The following COL28A1 variants were observed in gnomAD, a reference collection of about 807,000 sequenced individuals.
The protein encoded by COL28A1 is collagen type XXVIII alpha 1 chain, also known as collagen alpha-1(XXVIII) chain.
COL28A1 carries 161 observed loss-of-function variants against 150.2 expected under a neutral mutation model. The observed-to-expected ratio is 1.07, with a 90% CI of 0.94 to 1.22. The LOEUF is 1.22. COL28A1 is among the 50% of genes most tolerant of loss of function. The probability of loss-of-function intolerance (pLI) is 0.00; values close to 1 mark genes in which losing one functional copy is unlikely to be tolerated. For missense variants in COL28A1, 1,617 were observed against 1,388.3 expected, an observed-to-expected ratio of 1.16 and a Z score of -2.62; for synonymous variants, 552 against 469.7, an observed-to-expected ratio of 1.18 and a Z score of -2.26.
intron 19 of COL28A1, among the ~76,000 whole-genome samples, chr7:7,443,997 T>TG (rs1172256387): frequency 6.6e-6 from 1 of 151,208 alleles, no homozygotes; most frequent in African/African-American, 2.4e-5. Context: ...TTTTTTTTTT[T>TG]TTTTTTTTTT....
At chr7:7,403,246 T>G (rs1176994051) in intron 27 of COL28A1, among the ~76,000 whole-genome samples, 2 of 152,116 alleles carry the variant, frequency 1.3e-5, no homozygotes, top group African/African-American at 4.8e-5. Context: ...AACACAGCTT[T>G]CACGGGGAAG....
chr7:7,412,517 C>T (rs1783847823), intron 27 of COL28A1, among the ~76,000 whole-genome samples: 2 of 152,048 alleles, frequency 1.3e-5, no homozygotes, highest in Admixed American at 6.5e-5. Flanking sequence ...ACAAGAGGGA[C>T]TAGCGAAAGG....
In COL28A1 at chr7:7,519,007, A is replaced by C. The variant is rs548819570; in HGVS notation, c.813+1055T>G. On this transcript the variant is annotated intron_variant, in intron 6 of 34. Coordinates refer to ENST00000399429, the MANE Select transcript of COL28A1 (RefSeq NM_001037763.3). ...CCAATGTCCATTACATTTGATGCAA[A>C]TATTTCCTGATATTTCTATTTCTTT... is the stretch of plus-strand genomic sequence containing the variant. 5.3e-5 allele frequency among the ~76,000 whole-genome samples: 8 copies of C among 152,284 alleles called. No individual in the cohort carries two copies. In the South Asian group the frequency reaches 1.7e-3, roughly 32 times the overall value.
intron 27 of COL28A1, among the ~76,000 whole-genome samples, chr7:7,382,727 C>A (rs1202041477): frequency 6.6e-6 from 1 of 152,068 alleles, no homozygotes; most frequent in Non-Finnish European, 1.5e-5. Context: ...CCTGATCATC[C>A]CCACCAAGAT....
At chr7:7,345,241 T>G in the COL28A1 span, among the ~76,000 whole-genome samples, 3 of 151,998 alleles carry the variant, frequency 2.0e-5, no homozygotes, top group Non-Finnish European at 4.4e-5. Flanking sequence ...TTGTTTGTAT[T>G]GAGAGAAAAA....
At chr7:7,532,298 T>G (rs2108065) in intron 2 of COL28A1, among the ~76,000 whole-genome samples, 19,085 of 151,704 alleles carry the variant, frequency 0.13, 1,260 homozygotes, top group Middle Eastern at 0.23. Context: ...GAGTCCCTAT[T>G]TTTTTTTAAA....
chr7:7,534,075 G>T (rs1418808023), intron 1 of COL28A1, among the ~76,000 whole-genome samples: 1 of 152,132 alleles, frequency 6.6e-6, no homozygotes, highest in Non-Finnish European at 1.5e-5. Flanking sequence ...TTTCATACAT[G>T]CCAGATGGAT....
chr7:7,391,879 C>T (rs1280902467), intron 27 of COL28A1, among the ~76,000 whole-genome samples: 1 of 149,018 alleles, frequency 6.7e-6, no homozygotes, highest in Non-Finnish European at 1.5e-5. Flanking sequence ...TATGTGTGTC[C>T]TTGCACATGA....
intron 13 of COL28A1, among the ~76,000 whole-genome samples, chr7:7,486,622 T>C (rs541356469): frequency 6.6e-6 from 1 of 152,294 alleles, no homozygotes; most frequent in Non-Finnish European, 1.5e-5. Flanking sequence ...TTTCTGAGAG[T>C]TTCTATGAGA....
At chr7:7,361,217 C>G (rs1374869796) in intron 33 of COL28A1, among the ~76,000 whole-genome samples, 1 of 152,080 alleles carries the variant, frequency 6.6e-6, no homozygotes, top group Admixed American at 6.5e-5. Flanking sequence ...ATTTTTGTTT[C>G]AAAAGCAAAT....
chr7:7,431,265 T>C (rs1204683929), intron 25 of COL28A1: 1 of 197,250 alleles, frequency 5.1e-6, no homozygotes, highest in East Asian at 1.3e-4. Flanking sequence ...ATTCAACAAG[T>C]TGTAGAGCTC....
At position 7,432,633 on chromosome 7, in the gene COL28A1, G is replaced by T. The variant is rs201679217; in HGVS notation, c.1928C>A (p.Pro643His). The T allele has an allele frequency of 3.8e-4, 618 of 1,613,888 alleles. 2 individuals are homozygous for T. Among genetic ancestry groups the T allele is most frequent in the Non-Finnish European group, 4.7e-4 (557 of 1,179,916 alleles). Residue 643 changes from proline to histidine, a missense_variant and splice_region_variant, in exon 24 of 35, where the codon CCT (proline) becomes CAT (histidine). Transcript: ENST00000399429. ...GGAAGAAAAAAATGTCCCACTTACA[G>T]GCACACCAGGATAGCCATCACCTTT... ...GLKGDGYPGV[P>H]GPRGLPGPPG...
intron 8 of COL28A1, among the ~76,000 whole-genome samples, chr7:7,514,890 T>C (rs953686233): frequency 6.6e-6 from 1 of 152,028 alleles, no homozygotes; most frequent in African/African-American, 2.4e-5. Flanking sequence ...CCCTCCAGCC[T>C]AGGAAAATGA....
intron 2 of COL28A1, among the ~76,000 whole-genome samples, chr7:7,532,159 T>A (rs1158516566): frequency 6.6e-6 from 1 of 152,178 alleles, no homozygotes; most frequent in Non-Finnish European, 1.5e-5. Context: ...ATCTTTTCAA[T>A]GTTAAACCTG....
intron 27 of COL28A1, among the ~76,000 whole-genome samples, chr7:7,395,275 C>G (rs997233108): frequency 1.3e-5 from 2 of 152,074 alleles, no homozygotes; most frequent in Admixed American, 1.3e-4. Flanking sequence ...GCCTGGGCAA[C>G]AGAGTGAGGC....
chr7:7,343,732 C>G, the COL28A1 span, among the ~76,000 whole-genome samples: 1 of 151,996 alleles, frequency 6.6e-6, no homozygotes, highest in Non-Finnish European at 1.5e-5. Context: ...TATGGGCCAA[C>G]TGCTGTGATT....
At chr7:7,444,219 TG>T (rs1264930553) in intron 19 of COL28A1, among the ~76,000 whole-genome samples, 198 bp downstream of exon 19, 2 of 152,064 alleles carry the variant, frequency 1.3e-5, no homozygotes, top group Admixed American at 1.3e-4. Flanking sequence ...AGGCAGAGGA[TG>T]TGAGACACTA....
chr7:7,400,068 AT>A (rs1188620313), intron 27 of COL28A1, among the ~76,000 whole-genome samples: 1 of 152,226 alleles, frequency 6.6e-6, no homozygotes, highest in Non-Finnish European at 1.5e-5. Context: ...TCTCTTTTCC[AT>A]TTATCAGTTC....
At position 7,531,523 on chromosome 7, in the gene COL28A1, G is replaced by A; in HGVS notation, c.506C>T (p.Pro169Leu). ...MTDGIDHPKN[P>L]DVQSISEDAR... Reference sequence around the variant, plus strand: ...ATCTTCAGAAATACTTTGAACATCTGGATTCTTTGGATGGTCGATGCCATC... The same window carrying A: ...ATCTTCAGAAATACTTTGAACATCTAGATTCTTTGGATGGTCGATGCCATC... The change falls in exon 3 of 35, where the codon CCA becomes CTA. Residue 169 changes from proline (P) to leucine (L), a missense_variant. Transcript: ENST00000399429. 1 of 1,611,556 alleles carries A rather than the reference G, an allele frequency of 6.2e-7. No homozygotes were observed. Among genetic ancestry groups the A allele is most frequent in the Non-Finnish European group, 8.5e-7 (1 of 1,177,852 alleles).
Sources: gnomAD v4.1 joint callset for allele counts (sites outside exome capture counted in the v4.1 genomes callset) on GRCh38, gnomAD v4.1.1 for gene constraint, MANE v1.5 for transcripts, NCBI Gene and HGNC (gene_info 2026-07-23, HGNC 2026-07-21) for gene names.